AR: variants seen among roughly 807,000 people sequenced by gnomAD.
The protein encoded by AR is dihydrotestosterone receptor.
AR carries 8 observed loss-of-function variants against 53.9 expected under a neutral mutation model. The ratio of observed to expected loss-of-function variants is 0.15; its 90% CI spans 0.09 to 0.27. The LOEUF (loss-of-function observed/expected upper bound fraction) is 0.27, where lower values mean the gene tolerates loss of function less well. Ranked by LOEUF, AR falls within the 10% of genes least tolerant of loss-of-function variation. The probability of loss-of-function intolerance (pLI) is 1.00; values close to 1 mark genes in which losing one functional copy is unlikely to be tolerated. For synonymous variants in AR, 359 were observed against 316.4 expected, an observed-to-expected ratio of 1.13 and a Z score of -1.43; for missense variants, 639 against 742.5, an observed-to-expected ratio of 0.86 and a Z score of 1.62.
intron 2 of AR, among the ~76,000 whole-genome samples, chrX:67,668,812 C>T (rs1019544867): frequency 2.7e-5 from 3 of 111,063 alleles, no homozygotes; most frequent in African/African-American, 9.8e-5. Flanking sequence ...CAAAATTTAT[C>T]AATTTCTTCT....
At chrX:67,663,956 GT>G (rs1927103521) in intron 2 of AR, among the ~76,000 whole-genome samples, 1 of 112,151 alleles carries the variant, frequency 8.9e-6, no homozygotes, top group African/African-American at 3.2e-5. Flanking sequence ...CTCGTGCTGT[GT>G]TTTTCAGCTC....
rs2076161743 is a variant in AR at position 67,727,306 on chromosome X, T to A, written c.*3465T>A. ...TCTGTAATACATATATTTTTATGTATGTTCACTGGCACTAAAAAATATAGA... is the reference window on the plus strand; with the variant it reads ...TCTGTAATACATATATTTTTATGTAAGTTCACTGGCACTAAAAAATATAGA... On this transcript the variant is annotated 3_prime_UTR_variant, in exon 8 of 8. Coordinates refer to ENST00000374690, the MANE Select transcript of AR (RefSeq NM_000044.6). 5.9e-6 allele frequency: 1 copy of A among 169,031 alleles called. No individual in the cohort carries two copies. Among genetic ancestry groups the A allele is most frequent in the African/African-American group, 3.0e-5 (1 of 33,777 alleles). The allele number at this position is 169,031 out of a possible 1,213,427, so 13.9% of individuals were successfully genotyped here.
intron 2 of AR, among the ~76,000 whole-genome samples, chrX:67,646,532 A>G (rs1926067295): frequency 9.1e-6 from 1 of 110,278 alleles, no homozygotes; most frequent in Non-Finnish European, 1.9e-5. Flanking sequence ...ACAGGCATGG[A>G]GGGAAATAGT....
chrX:67,718,122 T>G (rs777022280), intron 5 of AR, among the ~76,000 whole-genome samples: 1 of 111,929 alleles, frequency 8.9e-6, no homozygotes, highest in Non-Finnish European at 1.9e-5. Flanking sequence ...CACTATTTTT[T>G]TATGGATGGG....
rs765197683 is a variant in AR, at chrX:67,674,601, A to G, written c.1769-11409A>G. On this transcript the variant is annotated intron_variant, in intron 2 of 7. Transcript: ENST00000374690. ...CACCACCCCCATGTTCATGGCAAGTATTGTCTGGCTACCACCAATCTTCAC... is the reference window on the plus strand; with the variant it reads ...CACCACCCCCATGTTCATGGCAAGTGTTGTCTGGCTACCACCAATCTTCAC... 1.3e-4 allele frequency among the ~76,000 whole-genome samples: 14 copies of G among 111,132 alleles called. No individual in the cohort carries two copies. The East Asian group carries it at 4.0e-3, about 32-fold the overall frequency.
chrX:67,551,968 A>C (rs1930012795), intron 1 of AR, among the ~76,000 whole-genome samples: 1 of 112,014 alleles, frequency 8.9e-6, no homozygotes, highest in Non-Finnish European at 1.9e-5. Flanking sequence ...GGGTCATTTG[A>C]GAATGTTGTC....
intron 1 of AR, among the ~76,000 whole-genome samples, chrX:67,619,518 G>A (rs1444092584): frequency 9.0e-6 from 1 of 110,871 alleles, no homozygotes; most frequent in Admixed American, 9.6e-5. Flanking sequence ...TCCAATGTGA[G>A]AAACTATATA....
At chrX:67,611,808 A>G (rs910370280) in intron 1 of AR, among the ~76,000 whole-genome samples, 2 of 112,095 alleles carry the variant, frequency 1.8e-5, no homozygotes, top group African/African-American at 6.5e-5. Context: ...AAAAGAGTCT[A>G]AAGGTTCTCC....
At chrX:67,635,925 G>T (rs906895265) in intron 1 of AR, among the ~76,000 whole-genome samples, 1 of 111,352 alleles carries the variant, frequency 9.0e-6, no homozygotes, top group African/African-American at 3.3e-5. Context: ...TTGCAATTAG[G>T]ATGTTATCTA....
intron 5 of AR, among the ~76,000 whole-genome samples, chrX:67,719,033 C>G (rs945358202): frequency 7.2e-5 from 8 of 110,874 alleles, no homozygotes; most frequent in Non-Finnish European, 1.3e-4. Context: ...GACCTTCCCC[C>G]CTCTTCAGCC....
intron 2 of AR, among the ~76,000 whole-genome samples, chrX:67,661,478 G>T (rs1289998198): frequency 9.0e-6 from 1 of 111,457 alleles, no homozygotes; most frequent in Non-Finnish European, 1.9e-5. Context: ...TAATCATGTG[G>T]TTTTTGTCGT....
chrX:67,621,982 TC>T (rs1924402959), intron 1 of AR, among the ~76,000 whole-genome samples: 1 of 111,676 alleles, frequency 9.0e-6, no homozygotes, highest in African/African-American at 3.3e-5. Flanking sequence ...AGTTGTGTGA[TC>T]TTGAAGAAAT....
At chrX:67,597,602 A>G (rs993258022) in intron 1 of AR, among the ~76,000 whole-genome samples, 9 of 111,954 alleles carry the variant, frequency 8.0e-5, no homozygotes, top group African/African-American at 2.9e-4. Flanking sequence ...ATAAGCAAAC[A>G]TGCAGGTTTT....
chrX:67,639,277 T>C (rs1277976533), intron 1 of AR, among the ~76,000 whole-genome samples: 1 of 112,205 alleles, frequency 8.9e-6, no homozygotes, highest in African/African-American at 3.2e-5. Flanking sequence ...TGCTTTTGGC[T>C]TAGAATTGCC....
At chrX:67,709,313 G>A (rs778682301) in intron 3 of AR, among the ~76,000 whole-genome samples, 1 of 112,228 alleles carries the variant, frequency 8.9e-6, no homozygotes, top group African/African-American at 3.2e-5. Context: ...CAGCTGCTTT[G>A]TTTACCTACT....
intron 1 of AR, among the ~76,000 whole-genome samples, chrX:67,557,773 T>G (rs1602153652): frequency 8.9e-6 from 1 of 112,056 alleles, no homozygotes; most frequent in Non-Finnish European, 1.9e-5. Flanking sequence ...TATTGTTTTT[T>G]GTTTGTTTCT....
Position 67,641,404 on chromosome X carries a change from G to T in AR, c.1617-1852G>T, listed in dbSNP as rs754954669. On this transcript the variant is annotated intron_variant, in intron 1 of 7. Coordinates refer to ENST00000374690, the MANE Select transcript of AR (RefSeq NM_000044.6). ...TGTGTTAGTAACAGAAGTCAAAAAG[G>T]TGGAGAAAGGAGAAAGGTACTTGTG... 7.1e-5 allele frequency among the ~76,000 whole-genome samples: 8 copies of T among 112,130 alleles called. No individual in the cohort carries two copies. The South Asian group carries it at 2.9e-3, about 41-fold the overall frequency.
chrX:67,717,345 G>A, intron 4 of AR, 133 bp from the exon 5 acceptor site: 1 of 889,665 alleles, frequency 1.1e-6, no homozygotes, highest in African/African-American at 2.0e-5. Flanking sequence ...CCCCTTAATG[G>A]CCAGCCTGGA....
chrX:67,646,721 G>A (rs1434739525), intron 2 of AR, among the ~76,000 whole-genome samples: 1 of 111,122 alleles, frequency 9.0e-6, no homozygotes, highest in East Asian at 2.8e-4. Context: ...TTCCTTGTTT[G>A]TAAAACAACG....
Sources: gnomAD v4.1 joint callset for allele counts (sites outside exome capture counted in the v4.1 genomes callset) on GRCh38, gnomAD v4.1.1 for gene constraint, MANE v1.5 for transcripts, NCBI Gene and HGNC (gene_info 2026-07-23, HGNC 2026-07-21) for gene names.